The following SYNDIG1 variants were observed in gnomAD, a reference collection of about 807,000 sequenced individuals.
SYNDIG1 encodes synapse differentiation inducing 1, also known as synapse differentiation-inducing gene protein 1.
Under a neutral mutation model 19.4 loss-of-function variants are expected in SYNDIG1, and 9 were observed. The ratio of observed to expected loss-of-function variants is 0.46; its 90% confidence interval spans 0.28 to 0.81. The LOEUF (loss-of-function observed/expected upper bound fraction) is 0.81, where lower values mean the gene tolerates loss of function less well. Among genes scored for constraint, SYNDIG1 ranks in the 30% least tolerant of loss-of-function variants. The pLI is 0.12. For synonymous variants in SYNDIG1, 141 were observed against 145.9 expected (o/e 0.97, Z 0.24); for missense variants, 311 against 343.3 (o/e 0.91, Z 0.74).
At chr20:24,574,142 A>T (rs1371056358) in intron 2 of SYNDIG1, among the ~76,000 whole-genome samples, 1 of 151,962 alleles carries the variant, frequency 6.6e-6, no homozygotes, top group African/African-American at 2.4e-5. Context: ...TTGCACCTGA[A>T]TCCTTTATTC....
intron 3 of SYNDIG1, among the ~76,000 whole-genome samples, chr20:24,607,731 G>A (rs2058779768): frequency 6.6e-6 from 1 of 152,184 alleles, no homozygotes; most frequent in Non-Finnish European, 1.5e-5. Flanking sequence ...GGCCACAGTT[G>A]GAGAACCTTC....
chr20:24,611,873 G>C (rs947037221), intron 3 of SYNDIG1, among the ~76,000 whole-genome samples: 1 of 152,196 alleles, frequency 6.6e-6, no homozygotes, highest in African/African-American at 2.4e-5. Context: ...CCCTGAGAAT[G>C]GGATAATCCT....
rs562687126 is a variant in SYNDIG1, at chr20:24,504,209, C to T, written c.-79+34456C>T. Among the ~76,000 whole-genome samples, 16 of 152,286 alleles carry T rather than the reference C, an allele frequency of 1.1e-4. No homozygotes were observed. In the East Asian group the frequency reaches 2.3e-3, roughly 22 times the overall value. On this transcript the variant is annotated intron_variant, in intron 1 of 3. Transcript: ENST00000376862. ...TCCTGACCTCGTGATCCGCCCGCCT[C>T]GGCCTCCCAAAGTGCTGGGATTACA... is the stretch of plus-strand genomic sequence containing the variant.
intron 1 of SYNDIG1, among the ~76,000 whole-genome samples, chr20:24,489,550 C>G (rs573478639): frequency 1.2e-4 from 18 of 152,198 alleles, no homozygotes; most frequent in African/African-American, 4.3e-4. Context: ...CACACATGCT[C>G]ACAGGGACAG....
chr20:24,511,100 G>GACTT (rs923801506), intron 1 of SYNDIG1, among the ~76,000 whole-genome samples: 1 of 152,192 alleles, frequency 6.6e-6, no homozygotes, highest in Non-Finnish European at 1.5e-5. Context: ...TCTTAAAAGA[G>GACTT]ACTTACTTTA....
chr20:24,507,010 G>A (rs2056609753), intron 1 of SYNDIG1, among the ~76,000 whole-genome samples: 1 of 152,208 alleles, frequency 6.6e-6, no homozygotes, highest in Admixed American at 6.5e-5. Context: ...ATAAGGATTT[G>A]GGTGATTTGG....
intron 1 of SYNDIG1, among the ~76,000 whole-genome samples, chr20:24,519,969 CTCTT>C (rs1395743480): frequency 6.6e-6 from 1 of 152,116 alleles, no homozygotes; most frequent in Non-Finnish European, 1.5e-5. Flanking sequence ...CAGTCTGTGG[CTCTT>C]TCTCTCTTAG....
chr20:24,581,625 G>C (rs1022731415), intron 2 of SYNDIG1, among the ~76,000 whole-genome samples: 6 of 152,096 alleles, frequency 3.9e-5, no homozygotes, highest in African/African-American at 1.4e-4. Context: ...GGAGAGTGGA[G>C]TCGACAGGGC....
chr20:24,560,033 T>G (rs1165085482), intron 2 of SYNDIG1, among the ~76,000 whole-genome samples: 27 of 148,910 alleles, frequency 1.8e-4, no homozygotes, highest in African/African-American at 2.7e-4. Flanking sequence ...CTTTGACTTT[T>G]TTTTTTTTTT....
intron 1 of SYNDIG1, among the ~76,000 whole-genome samples, chr20:24,484,754 A>G (rs2146266864): frequency 6.6e-6 from 1 of 152,354 alleles, no homozygotes; most frequent in African/African-American, 2.4e-5. Flanking sequence ...GCCTTTTCTT[A>G]CCAGAAATTT....
rs182652576 is a variant in SYNDIG1, at chr20:24,620,806, C to T, written c.618+35813C>T. 6.4e-4 allele frequency among the ~76,000 whole-genome samples: 98 copies of T among 152,284 alleles called. No individual in the cohort carries two copies. The East Asian group carries it at 9.6e-3, about 15-fold the overall frequency. ...AGGTTCATAGGAAAATGAATAATGA[C>T]GGAACAATTGTTTTCCTAAATACTT... On this transcript the variant is annotated intron_variant, in intron 3 of 3. Coordinates refer to ENST00000376862, the MANE Select transcript of SYNDIG1 (RefSeq NM_024893.3).
At chr20:24,480,237 A>T (rs1270182054) in intron 1 of SYNDIG1, among the ~76,000 whole-genome samples, 1 of 152,244 alleles carries the variant, frequency 6.6e-6, no homozygotes, top group Non-Finnish European at 1.5e-5. Flanking sequence ...AATATCTACA[A>T]GTAACTGTCA....
intron 1 of SYNDIG1, among the ~76,000 whole-genome samples, chr20:24,509,455 T>C (rs190222014): frequency 6.6e-6 from 1 of 152,362 alleles, no homozygotes; most frequent in East Asian, 1.9e-4. Context: ...TTGTTCTGTA[T>C]TTCAGTTCCT....
At chr20:24,562,980 C>G (rs2057975139) in intron 2 of SYNDIG1, among the ~76,000 whole-genome samples, 1 of 152,182 alleles carries the variant, frequency 6.6e-6, no homozygotes, top group Admixed American at 6.5e-5. Flanking sequence ...AATTCATGAA[C>G]CTCTTCCACA....
rs6106906 is a variant in SYNDIG1, at chr20:24,560,727, G to A, written c.480+17150G>A. Among the ~76,000 whole-genome samples, 1,169 of 137,964 alleles carry A rather than the reference G, an allele frequency of 8.5e-3. 23 individuals carry two copies. The highest frequency in any genetic ancestry group is 0.031 in the African/African-American group (1,110 of 36,258). The allele number at this position is 137,964 out of a possible 152,430, so 90.5% of individuals were successfully genotyped here. A position where few individuals can be genotyped will look rare whatever the true frequency, so the allele number is the denominator to read the frequency against. On this transcript the variant is annotated intron_variant, in intron 2 of 3. Coordinates refer to ENST00000376862, the MANE Select transcript of SYNDIG1 (RefSeq NM_024893.3). ...TTTTTTTTTTTTTTAAACTAGGTAT[G>A]GGTCATGCTTTCCTGTTTCTATACC...
At chr20:24,582,641 A>T (rs2058349651) in intron 2 of SYNDIG1, among the ~76,000 whole-genome samples, 2 of 149,846 alleles carry the variant, frequency 1.3e-5, no homozygotes, top group African/African-American at 2.5e-5. Flanking sequence ...GGGCCTCACA[A>T]CTCCCCCGTG....
chr20:24,620,490 T>C (rs1156777447), intron 3 of SYNDIG1, among the ~76,000 whole-genome samples: 1 of 152,212 alleles, frequency 6.6e-6, no homozygotes, highest in Non-Finnish European at 1.5e-5. Context: ...TTTCTGCACA[T>C]AGGCTAATTT....
At chr20:24,476,880 C>T (rs1458619559) in intron 1 of SYNDIG1, among the ~76,000 whole-genome samples, 3 of 152,132 alleles carry the variant, frequency 2.0e-5, no homozygotes, top group Non-Finnish European at 4.4e-5. Flanking sequence ...CATCTCTGTC[C>T]TTCTGCCATC....
At chr20:24,577,230 G>T (rs1388975763) in intron 2 of SYNDIG1, among the ~76,000 whole-genome samples, 1 of 152,212 alleles carries the variant, frequency 6.6e-6, no homozygotes. Context: ...AGATGTCTGT[G>T]GTTTTTACGT....
Sources: allele counts gnomAD v4.1 joint callset (sites outside exome capture counted in the v4.1 genomes callset), GRCh38; gene constraint gnomAD v4.1.1; transcripts MANE v1.5; gene names NCBI Gene and HGNC (gene_info 2026-07-23, HGNC 2026-07-21).